HAO2: variants seen among roughly 807,000 people sequenced by gnomAD.
HAO2 encodes the protein 2-Hydroxyacid oxidase 2.
Under a neutral mutation model 37.4 loss-of-function variants are expected in HAO2, and 42 were observed. That is an observed-to-expected ratio of 1.12 (90% CI 0.88 to 1.45). The LOEUF is 1.45. HAO2 is among the 40% of genes most tolerant of loss of function. The pLI is 0.00. For missense variants in HAO2, 476 were observed against 430.2 expected (o/e 1.11, Z -0.94); for synonymous variants, 180 against 162.8 (o/e 1.11, Z -0.81).
At chr1:119,380,395 G>A in intron 1 of HAO2, 1 of 361,038 alleles carries the variant, frequency 2.8e-6, no homozygotes, top group East Asian at 4.3e-5. Flanking sequence ...GAAAAAGGTA[G>A]ATGGTGACCC....
At chr1:119,383,113 C>T (rs1557849772) in intron 3 of HAO2, 47 bp downstream of exon 3, 2 of 1,462,042 alleles carry the variant, frequency 1.4e-6, no homozygotes, top group East Asian at 2.4e-5. Flanking sequence ...AGGAGGTGTC[C>T]CTCAGAGCAG....
Position 119,393,915 on chromosome 1 carries a change from C to A in HAO2, c.*75C>A. 6.2e-7 allele frequency: 1 copy of A among 1,606,430 alleles called. No homozygotes were observed. The highest frequency in any genetic ancestry group is 8.5e-7 in the Non-Finnish European group (1 of 1,174,358). On this transcript the variant is annotated 3_prime_UTR_variant, in exon 8 of 8. Transcript: ENST00000325945. ...CAAACTCACAGCACAGTGTGTGATG[C>A]TGTCCTTCCTGGACCCCATTCTGTC...
chr1:119,382,067 G>C (rs1487937930), intron 2 of HAO2, among the ~76,000 whole-genome samples: 1 of 152,066 alleles, frequency 6.6e-6, no homozygotes, highest in Non-Finnish European at 1.5e-5. Flanking sequence ...ACTGAAAAAT[G>C]GTATAAAAGG....
Position 119,386,653 on chromosome 1 carries a change from C to G in HAO2, c.593C>G (p.Pro198Arg). 6.2e-7 allele frequency: 1 copy of G among 1,611,756 alleles called. No homozygotes were observed. The highest frequency in any genetic ancestry group is 8.5e-7 in the Non-Finnish European group (1 of 1,177,940). The change falls in exon 5 of 8, where the codon CCT (proline) becomes CGT (arginine). Residue 198 changes from proline (P) to arginine (R), a missense_variant. Coordinates refer to ENST00000325945, the MANE Select transcript of HAO2 (RefSeq NM_016527.4). ...GNAIPYFQMTPISTSLCWNDL... is the reference protein window; with the variant it reads ...GNAIPYFQMTRISTSLCWNDL... Reference sequence around the variant, plus strand: ...GCAATACCTTATTTCCAGATGACTCCTATCAGCACTTCTCTCTGCTGGAAT... The same window carrying G: ...GCAATACCTTATTTCCAGATGACTCGTATCAGCACTTCTCTCTGCTGGAAT...
In HAO2 at chr1:119,393,902, A is replaced by G. The variant is rs1651122747; in HGVS notation, c.*62A>G. The G allele has an allele frequency of 6.2e-7, 1 of 1,610,772 alleles. No individual in the cohort carries two copies. Among genetic ancestry groups the G allele is most frequent in the Non-Finnish European group, 8.5e-7 (1 of 1,177,648 alleles). ...CACAGGAGGATCACAAACTCACAGC[A>G]CAGTGTGTGATGCTGTCCTTCCTGG... On this transcript the variant is annotated 3_prime_UTR_variant, in exon 8 of 8. Transcript: ENST00000325945.
chr1:119,379,554 C>A (rs919391644), intron 1 of HAO2, among the ~76,000 whole-genome samples: 1 of 152,160 alleles, frequency 6.6e-6, no homozygotes, highest in Admixed American at 6.5e-5. Flanking sequence ...GGTTTATTAA[C>A]CCTTTGAAGG....
Position 119,384,824 on chromosome 1 carries a change from G to C in HAO2, c.332G>C (p.Cys111Ser), listed in dbSNP as rs377387591. ...ICYITSTFAS[C>S]SLEDIVIAAP... is the part of the protein sequence containing the mutation. ...TACATCACCAGCACATTTGCCAGCT[G>C]TAGCCTTGAAGACATTGTCATTGCA... is the stretch of plus-strand genomic sequence containing the variant. Residue 111 changes from cysteine (C) to serine (S), a missense_variant, in exon 4 of 8, where the codon TGT becomes TCT. Cys to Ser is a moderately radical substitution (Grantham distance 112). Coordinates refer to ENST00000325945, the MANE Select transcript of HAO2 (RefSeq NM_016527.4). 61 of 1,613,810 alleles carry C rather than the reference G, an allele frequency of 3.8e-5. No individual in the cohort carries two copies. Among genetic ancestry groups the C allele is most frequent in the Non-Finnish European group, 4.9e-5 (58 of 1,179,866 alleles).
chr1:119,393,334 C>A (rs1392221969), intron 7 of HAO2, among the ~76,000 whole-genome samples: 2 of 152,096 alleles, frequency 1.3e-5, no homozygotes, highest in African/African-American at 4.8e-5. Context: ...TAATTAATAT[C>A]TTCTTCTAAA....
intron 4 of HAO2, chr1:119,385,489 G>T: frequency 1.3e-6 from 1 of 777,168 alleles, no homozygotes; most frequent in Non-Finnish European, 1.6e-6. Flanking sequence ...AAAGTGACTG[G>T]CCAGACAGTC....
chr1:119,379,223 A>G (rs587694164), intron 1 of HAO2, among the ~76,000 whole-genome samples: 1 of 152,262 alleles, frequency 6.6e-6, no homozygotes, highest in African/African-American at 2.4e-5. Context: ...TTCATGTTGG[A>G]GGCTGGTCAT....
intron 1 of HAO2, among the ~76,000 whole-genome samples, chr1:119,373,077 T>A (rs1425728504): frequency 1.3e-5 from 2 of 152,188 alleles, no homozygotes; most frequent in African/African-American, 4.8e-5. Flanking sequence ...CTGCCACTGT[T>A]CAAATAAGTG....
At chr1:119,381,945 G>A (rs971755864) in intron 2 of HAO2, among the ~76,000 whole-genome samples, 1 of 152,162 alleles carries the variant, frequency 6.6e-6, no homozygotes, top group Non-Finnish European at 1.5e-5. Context: ...TTCAAGAGCA[G>A]TGTTGAATAA....
At chr1:119,384,144 G>T (rs140833403) in intron 3 of HAO2, among the ~76,000 whole-genome samples, 1 of 152,092 alleles carries the variant, frequency 6.6e-6, no homozygotes, top group Admixed American at 6.5e-5. Flanking sequence ...CCATATGAAC[G>T]TCATCACCAT....
chr1:119,373,865 T>C (rs587757845), intron 1 of HAO2, among the ~76,000 whole-genome samples: 3 of 152,228 alleles, frequency 2.0e-5, no homozygotes, highest in South Asian at 4.1e-4. Context: ...GAGATTATTA[T>C]ATAAATCAGA....
intron 3 of HAO2, 146 bp from the exon 4 acceptor site, chr1:119,384,630 C>T (rs1204213207): frequency 4.5e-6 from 3 of 664,262 alleles, no homozygotes; most frequent in Non-Finnish European, 5.1e-6. Flanking sequence ...TGCCTTCCAT[C>T]CCTTTCTTAC....
At chr1:119,389,993 A>T (rs1418951710) in intron 5 of HAO2, among the ~76,000 whole-genome samples, 1 of 152,090 alleles carries the variant, frequency 6.6e-6, no homozygotes, top group African/African-American at 2.4e-5. Flanking sequence ...ATCCAGTTTC[A>T]TTGTCCTACA....
intron 5 of HAO2, among the ~76,000 whole-genome samples, chr1:119,388,000 G>A (rs964247642): frequency 5.3e-5 from 8 of 152,182 alleles, no homozygotes; most frequent in South Asian, 2.1e-4. Context: ...GCAAGCCCAC[G>A]TGGAGAGCAG....
At chr1:119,386,446 T>A (rs1405829779) in intron 4 of HAO2, among the ~76,000 whole-genome samples, 176 bp from the exon 5 acceptor site, 3 of 152,114 alleles carry the variant, frequency 2.0e-5, no homozygotes, top group African/African-American at 4.8e-5. Flanking sequence ...GCTCAAAAGA[T>A]CCTTCCGCCT....
chr1:119,380,314 C>T (rs1649815785), intron 1 of HAO2, among the ~76,000 whole-genome samples: 1 of 152,110 alleles, frequency 6.6e-6, no homozygotes, highest in Non-Finnish European at 1.5e-5. Context: ...GTTTATAGGG[C>T]TCAAATTGAA....
Sources: allele counts gnomAD v4.1 joint callset (sites outside exome capture counted in the v4.1 genomes callset), GRCh38; gene constraint gnomAD v4.1.1; transcripts MANE v1.5; gene names NCBI Gene and HGNC (gene_info 2026-07-23, HGNC 2026-07-21).